ABCC4: variants seen among roughly 807,000 people sequenced by gnomAD.
ABCC4 encodes the protein ATP-binding cassette sub-family C member 4.
ABCC4 carries 102 observed loss-of-function variants against 168.5 expected under a neutral mutation model. The ratio of observed to expected loss-of-function variants is 0.61; its 90% CI spans 0.52 to 0.71. The LOEUF (loss-of-function observed/expected upper bound fraction) is 0.71, where lower values mean the gene tolerates loss of function less well. Ranked by LOEUF, ABCC4 falls within the 30% of genes least tolerant of loss-of-function variation. ABCC4 has a pLI of 0.00. For missense variants in ABCC4, 1,402 were observed against 1,605.8 expected (o/e 0.87, Z 2.17); for synonymous variants, 617 against 590.7 (o/e 1.04, Z -0.65).
At chr13:95,242,377 A>C (rs2039972827) in intron 3 of ABCC4, among the ~76,000 whole-genome samples, 1 of 152,094 alleles carries the variant, frequency 6.6e-6, no homozygotes, top group Non-Finnish European at 1.5e-5. Flanking sequence ...ACAGGCGCCC[A>C]CCACCATGCC....
chr13:95,278,806 G>GAA (rs71113905), intron 1 of ABCC4, among the ~76,000 whole-genome samples: 442 of 34,356 alleles, frequency 0.013, 73 homozygotes, highest in East Asian at 0.047. Context: ...CCCTGTCTCG[G>GAA]AAAAAAAAAA....
chr13:95,169,791 G>T (rs1286694878), intron 14 of ABCC4, among the ~76,000 whole-genome samples: 2 of 152,206 alleles, frequency 1.3e-5, no homozygotes, highest in Non-Finnish European at 2.9e-5. Flanking sequence ...GCTATTCCAG[G>T]AAAGTGGGTG....
chr13:95,175,290 G>A (rs1021910633), intron 13 of ABCC4, among the ~76,000 whole-genome samples: 1 of 152,056 alleles, frequency 6.6e-6, no homozygotes, highest in South Asian at 2.1e-4. Flanking sequence ...AAATTGAACA[G>A]AGAACCTTTT....
intron 1 of ABCC4, among the ~76,000 whole-genome samples, chr13:95,282,559 G>A (rs183979898): frequency 1.3e-5 from 2 of 151,606 alleles, no homozygotes; most frequent in Non-Finnish European, 2.9e-5. Context: ...TTTTGAGAAG[G>A]AGTCTTGCTC....
intron 19 of ABCC4, among the ~76,000 whole-genome samples, 163 bp from the exon 20 acceptor site, chr13:95,116,164 G>T (rs1453254463): frequency 6.6e-6 from 1 of 152,068 alleles, no homozygotes; most frequent in African/African-American, 2.4e-5. Flanking sequence ...AAAATAGGAC[G>T]ATACCTAAAG....
At chr13:95,139,981 G>C (rs867832738) in intron 19 of ABCC4, among the ~76,000 whole-genome samples, 1 of 152,158 alleles carries the variant, frequency 6.6e-6, no homozygotes, top group Non-Finnish European at 1.5e-5. Context: ...TTCTGGTTCT[G>C]ATCTGGTCTA....
At chr13:95,295,081 A>G (rs2041495246) in intron 1 of ABCC4, among the ~76,000 whole-genome samples, 1 of 152,204 alleles carries the variant, frequency 6.6e-6, no homozygotes, top group Admixed American at 6.5e-5. Flanking sequence ...GATCAAGTAG[A>G]ATTGGACACC....
chr13:95,141,515 T>G (rs553398510), intron 19 of ABCC4, among the ~76,000 whole-genome samples: 64 of 150,324 alleles, frequency 4.3e-4, no homozygotes, highest in Non-Finnish European at 7.7e-4. Flanking sequence ...AAGCTCCACA[T>G]GTAATCTCTC....
intron 11 of ABCC4, among the ~76,000 whole-genome samples, chr13:95,181,935 C>T (rs1028344346): frequency 7.2e-5 from 11 of 152,128 alleles, no homozygotes; most frequent in Admixed American, 2.6e-4. Context: ...TAGTTAGATT[C>T]ACCTCATTGT....
chr13:95,114,648 T>C (rs1460336135), intron 20 of ABCC4, among the ~76,000 whole-genome samples: 1 of 152,214 alleles, frequency 6.6e-6, no homozygotes, highest in Non-Finnish European at 1.5e-5. Flanking sequence ...TTCACCTCCA[T>C]AAACAGTGGA....
chr13:95,197,211 A>G (rs1346220830), intron 8 of ABCC4, among the ~76,000 whole-genome samples: 1 of 152,238 alleles, frequency 6.6e-6, no homozygotes, highest in African/African-American at 2.4e-5. Flanking sequence ...AGTCATAAAC[A>G]GACTGTATGA....
chr13:95,286,822 T>A (rs2041268209), intron 1 of ABCC4, among the ~76,000 whole-genome samples: 1 of 151,396 alleles, frequency 6.6e-6, no homozygotes, highest in Non-Finnish European at 1.5e-5. Flanking sequence ...CCAGGTGTGG[T>A]GGCACACGCC....
intron 20 of ABCC4, among the ~76,000 whole-genome samples, chr13:95,110,982 A>G (rs2035183970): frequency 9.9e-6 from 1 of 101,042 alleles, no homozygotes; most frequent in Admixed American, 1.2e-4. Context: ...AAAAAAAAAG[A>G]AAGAAAAAAA....
At chr13:95,021,715 G>T (rs1036109575) in intron 30 of ABCC4, 33 bp from the exon 31 acceptor site, 2 of 1,498,470 alleles carry the variant, frequency 1.3e-6, no homozygotes, top group South Asian at 1.2e-5. Context: ...TAAAAAGAAT[G>T]TTTCAAAATT....
chr13:95,230,158 A>C (rs2039580927), intron 4 of ABCC4, among the ~76,000 whole-genome samples: 1 of 152,200 alleles, frequency 6.6e-6, no homozygotes, highest in Non-Finnish European at 1.5e-5. Flanking sequence ...CCTCACTTAA[A>C]ATACAGCCTG....
At chr13:95,044,483 A>G in intron 27 of ABCC4, 45 bp from the exon 28 acceptor site, 1 of 1,553,522 alleles carries the variant, frequency 6.4e-7, no homozygotes, top group Non-Finnish European at 8.7e-7. Flanking sequence ...TCAAGCCGCT[A>G]TGGAAGTAGT....
chr13:95,064,297 T>TACACACAC (rs1260159679), intron 25 of ABCC4, among the ~76,000 whole-genome samples: 16 of 105,330 alleles, frequency 1.5e-4, no homozygotes, highest in Non-Finnish European at 3.2e-4. Flanking sequence ...TATATATATA[T>TACACACAC]ACACACACAC....
chr13:95,110,581 TAC>T (rs2035169594), intron 20 of ABCC4, among the ~76,000 whole-genome samples: 1 of 152,186 alleles, frequency 6.6e-6, no homozygotes, highest in African/African-American at 2.4e-5. Context: ...ATACAAATAT[TAC>T]AGGTAGGGTA....
intron 19 of ABCC4, among the ~76,000 whole-genome samples, chr13:95,160,187 T>A (rs1392626898): frequency 1.3e-5 from 2 of 152,212 alleles, no homozygotes; most frequent in African/African-American, 4.8e-5. Flanking sequence ...CACTTTGAAC[T>A]ACAGCATCTG....
Sources: allele counts gnomAD v4.1 joint callset (sites outside exome capture counted in the v4.1 genomes callset), GRCh38; gene constraint gnomAD v4.1.1; transcripts MANE v1.5; gene names NCBI Gene and HGNC (gene_info 2026-07-23, HGNC 2026-07-21).